GRM4: variants seen among roughly 807,000 people sequenced by gnomAD.
The protein encoded by GRM4 is metabotropic glutamate receptor 4.
Under a neutral mutation model 81.7 loss-of-function variants are expected in GRM4, and 28 were observed. The observed-to-expected ratio is 0.34, with a 90% CI of 0.25 to 0.47. The LOEUF is 0.47. Among genes scored for constraint, GRM4 ranks in the 20% least tolerant of loss-of-function variants. The pLI is 1.00. For missense variants in GRM4, 948 were observed against 1,290.0 expected (o/e 0.73, Z 4.06); for synonymous variants, 488 against 528.8 (o/e 0.92, Z 1.06).
exon 1 of GRM4, chr6:34,155,161 G>T: frequency 1.3e-6 from 2 of 1,535,424 alleles, no homozygotes; most frequent in Non-Finnish European, 1.7e-6. Flanking sequence ...CGCCCCCTCG[G>T]ATTCGTGCGC....
chr6:34,128,308 T>G (rs1770099562), intron 2 of GRM4, among the ~76,000 whole-genome samples: 1 of 151,848 alleles, frequency 6.6e-6, no homozygotes, highest in Non-Finnish European at 1.5e-5. Flanking sequence ...CTGTGACATT[T>G]CCTGTGGGCT....
chr6:34,074,934 A>G lies in GRM4; in HGVS notation c.737-12906T>C, dbSNP rs2395550. On this transcript the variant is annotated intron_variant, in intron 3 of 10. Transcript: ENST00000538487. This position sits in a 1 kb window ranked among gnomAD's most constrained non-coding sequence, Gnocchi z 4.9. ...ACTGTCCCCCACCCTCAGTGGCTGT[A>G]CCCAGCATTCACTGATGAGGGAATC... Among the ~76,000 whole-genome samples the G allele has an allele frequency of 0.082, 12,411 of 151,670 alleles. 1,088 individuals carry two copies. Among genetic ancestry groups the G allele is most frequent in the African/African-American group, 0.21 (8,678 of 41,292 alleles).
rs1491457367 is a variant in GRM4 at position 34,069,208 on chromosome 6, ACG to A, written c.737-7182_737-7181del. Among the ~76,000 whole-genome samples the A allele has an allele frequency of 2.0e-5, 3 of 149,646 alleles. No homozygotes were observed. Among genetic ancestry groups the A allele is most frequent in the East Asian group, 2.0e-4 (1 of 5,050 alleles). On this transcript the variant is annotated intron_variant, in intron 3 of 10. Coordinates refer to ENST00000538487, the MANE Select transcript of GRM4 (RefSeq NM_000841.4). This position sits in a 1 kb window ranked among gnomAD's most constrained non-coding sequence, Gnocchi z 6.4. ...CACACACACACACACACACACACGC[ACG>A]CACACACGGCTCCTTCCTTCTGACT... is the stretch of plus-strand genomic sequence containing the variant.
intron 10 of GRM4, chr6:34,024,368 G>C (rs1764031015): frequency 3.9e-6 from 1 of 255,990 alleles, no homozygotes; most frequent in South Asian, 5.1e-5. Context: ...TCAATCTTCA[G>C]GGAGCCAATG....
chr6:34,025,179 ACTT>A (rs1764068899), intron 10 of GRM4, among the ~76,000 whole-genome samples: 6 of 151,996 alleles, frequency 3.9e-5, no homozygotes, highest in Admixed American at 3.9e-4. Flanking sequence ...TGCCTAGACT[ACTT>A]CTCCTGAGGG....
chr6:34,096,173 G>A (rs372899441), intron 2 of GRM4, among the ~76,000 whole-genome samples: 3 of 152,160 alleles, frequency 2.0e-5, no homozygotes, highest in African/African-American at 7.2e-5. Context: ...ACAGCACCTT[G>A]TGTCACACCC....
chr6:34,110,860 G>A, intron 2 of GRM4: 1 of 1,321,294 alleles, frequency 7.6e-7, no homozygotes, highest in Non-Finnish European at 9.6e-7. Context: ...CTCAGGCCTG[G>A]AGGTGAGGAG....
rs774414830 is a variant in GRM4 at position 34,019,025 on chromosome 6, C to G, written c.*3796G>C. On this transcript the variant is annotated 3_prime_UTR_variant, in exon 11 of 11. Coordinates refer to ENST00000538487, the MANE Select transcript of GRM4 (RefSeq NM_000841.4). ...GGGTGTCAGAAAGAGGGGCGCCCAG[C>G]CTTATGCAGGCTCAGCATCTTCTCA... 4.6e-5 allele frequency: 7 copies of G among 152,374 alleles called. No homozygotes were observed. Among genetic ancestry groups the G allele is most frequent in the Non-Finnish European group, 1.0e-4 (7 of 68,144 alleles). 9.4% of individuals were successfully genotyped at this position (152,374 alleles called of 1,614,324 possible).
chr6:34,104,907 G>A (rs1248306366), intron 2 of GRM4, among the ~76,000 whole-genome samples: 3 of 152,128 alleles, frequency 2.0e-5, no homozygotes, highest in Non-Finnish European at 4.4e-5. Context: ...CACACAGGCC[G>A]TGGGAGGCAG....
chr6:34,130,711 T>C lies in GRM4; in HGVS notation c.519+2267A>G, dbSNP rs956506414. On this transcript the variant is annotated intron_variant, in intron 2 of 10. Coordinates refer to ENST00000538487, the MANE Select transcript of GRM4 (RefSeq NM_000841.4). This position sits in a 1 kb window ranked among gnomAD's most constrained non-coding sequence, Gnocchi z 4.1. ...CGCCATGTACCAAGTGATGGGGCAC[T>C]CTCAGCTCCTTTGGGCCTCTCCACC... Among the ~76,000 whole-genome samples the C allele has an allele frequency of 1.2e-4, 19 of 152,192 alleles. 1 individual carries two copies. The highest frequency in any genetic ancestry group is 5.9e-4 in the Admixed American group (9 of 15,280).
rs1324428186 is a variant in GRM4 at position 34,115,178 on chromosome 6, G to A, written c.519+17800C>T. ...CTAAACGCCAACACGCTGCCTCTGG[G>A]CCAGCCACCAGCCAGAACAGCAGCT... On this transcript the variant is annotated intron_variant, in intron 2 of 10. Coordinates refer to ENST00000538487, the MANE Select transcript of GRM4 (RefSeq NM_000841.4). The surrounding 1 kb of genome is among the most constrained non-coding windows in gnomAD (Gnocchi z 4.1). 6.6e-6 allele frequency among the ~76,000 whole-genome samples: 1 copy of A among 152,184 alleles called. No individual in the cohort carries two copies. Among genetic ancestry groups the A allele is most frequent in the Non-Finnish European group, 1.5e-5 (1 of 68,032 alleles).
intron 10 of GRM4, among the ~76,000 whole-genome samples, chr6:34,025,265 C>T (rs1196540010): frequency 1.3e-5 from 2 of 152,096 alleles, no homozygotes; most frequent in African/African-American, 2.4e-5. Flanking sequence ...AGTGGCTATG[C>T]GAATCACAGC....
At chr6:34,145,239 C>G (rs1008701878) in intron 1 of GRM4, among the ~76,000 whole-genome samples, 2 of 151,562 alleles carry the variant, frequency 1.3e-5, no homozygotes, top group Non-Finnish European at 2.9e-5. Flanking sequence ...ACCCAGCGCG[C>G]CGCGGAGCCG....
rs1653998211 is a variant in GRM4, at chr6:34,090,101, G to A, written c.736+1782C>T. 2.6e-5 allele frequency among the ~76,000 whole-genome samples: 4 copies of A among 152,188 alleles called. No homozygotes were observed. The highest frequency in any genetic ancestry group is 2.6e-4 in the Admixed American group (4 of 15,284). On this transcript the variant is annotated intron_variant, in intron 3 of 10. Coordinates refer to ENST00000538487, the MANE Select transcript of GRM4 (RefSeq NM_000841.4). The surrounding 1 kb of genome is among the most constrained non-coding windows in gnomAD (Gnocchi z 5.2). Reference sequence around the variant, plus strand: ...TTCCTCTCCTGCAAAATGGGGATGAGGCAGCATCTACCTCGTAGGGCAGGA... The same window carrying A: ...TTCCTCTCCTGCAAAATGGGGATGAAGCAGCATCTACCTCGTAGGGCAGGA...
rs1323425092 is a variant in GRM4, at chr6:34,089,449, C to T, written c.736+2434G>A. Among the ~76,000 whole-genome samples the T allele has an allele frequency of 2.6e-5, 4 of 151,980 alleles. No individual in the cohort carries two copies. Among genetic ancestry groups the T allele is most frequent in the African/African-American group, 7.3e-5 (3 of 41,358 alleles). On this transcript the variant is annotated intron_variant, in intron 3 of 10. Coordinates refer to ENST00000538487, the MANE Select transcript of GRM4 (RefSeq NM_000841.4). This position sits in a 1 kb window ranked among gnomAD's most constrained non-coding sequence, Gnocchi z 4.3. ...ATCAAATTTCATTTATTGGGTTGCG[C>T]GACGAGACCTAGCTGCCTGAACTGC...
At chr6:34,053,733 T>C (rs1156454807) in intron 6 of GRM4, among the ~76,000 whole-genome samples, 2 of 152,168 alleles carry the variant, frequency 1.3e-5, no homozygotes, top group Non-Finnish European at 1.5e-5. Context: ...CTTCAAAAAA[T>C]CCTGACGCTC....
chr6:34,028,081 C>T, intron 10 of GRM4, 39 bp downstream of exon 10: 1 of 1,581,854 alleles, frequency 6.3e-7, no homozygotes, highest in East Asian at 2.3e-5. Context: ...AGGAGCGGGG[C>T]CTGGGGCCCG....
Position 34,040,644 on chromosome 6 carries a change from G to A in GRM4, c.1273C>T (p.Arg425Cys), listed in dbSNP as rs762146979. ...CCCACGCGGCCGGGACACAGGTCAC[G>A]GTGCATGGCGTGCAGCGCGTGGCCC... ...AMGHALHAMHRDLCPGRVGLC... is the reference protein window; with the variant it reads ...AMGHALHAMHCDLCPGRVGLC... The change falls in exon 7 of 11, where the codon CGT becomes TGT. Residue 425 changes from arginine (R) to cysteine (C), a missense_variant. By Grantham distance (180) the Arg-to-Cys change is radical. Transcript: ENST00000538487. 90 of 1,613,980 alleles carry A rather than the reference G, an allele frequency of 5.6e-5. No individual in the cohort carries two copies. Among genetic ancestry groups the A allele is most frequent in the Non-Finnish European group, 6.9e-5 (81 of 1,179,948 alleles).
rs980935031 is a variant in GRM4 at position 34,111,981 on chromosome 6, G to C, written c.520-19882C>G. The stretch of plus-strand genomic sequence containing the variant: ...TTGCCTGGAGATTCTGAAATGGGGA[G>C]GTCTCCTCACTCACCCCAAGTTGCA... On this transcript the variant is annotated intron_variant, in intron 2 of 10. Transcript: ENST00000538487. This position sits in a 1 kb window ranked among gnomAD's most constrained non-coding sequence, Gnocchi z 5.1. Among the ~76,000 whole-genome samples, 18 of 152,124 alleles carry C rather than the reference G, an allele frequency of 1.2e-4. No homozygotes were observed. The highest frequency in any genetic ancestry group is 3.6e-4 in the African/African-American group (15 of 41,412).
Sources: allele counts gnomAD v4.1 joint callset (sites outside exome capture counted in the v4.1 genomes callset), GRCh38; gene constraint gnomAD v4.1.1; non-coding constraint Gnocchi (gnomAD v3.1); transcripts MANE v1.5; gene names NCBI Gene and HGNC (gene_info 2026-07-23, HGNC 2026-07-21).